The following ANKRD36 variants were observed in gnomAD, a reference collection of about 807,000 sequenced individuals.
The protein encoded by ANKRD36 is ankyrin repeat domain-containing protein 36A.
In ANKRD36, 179 loss-of-function variants were observed where a neutral mutation model predicts 278.1. The ratio of observed to expected loss-of-function variants is 0.64; its 90% CI spans 0.57 to 0.73. The LOEUF (loss-of-function observed/expected upper bound fraction) is 0.73. ANKRD36 is among the 30% of genes least tolerant of loss of function. The pLI is 0.00. For missense variants in ANKRD36, 1,159 were observed against 1,956.7 expected, an observed-to-expected ratio of 0.59 and a Z score of 7.69; for synonymous variants, 320 against 641.1, an observed-to-expected ratio of 0.50 and a Z score of 7.57.
In ANKRD36 at chr2:97,122,968, G is replaced by A. The variant is rs1428278654; in HGVS notation, c.568G>A (p.Val190Ile). The change falls in exon 4 of 76, where the codon GTA becomes ATA. Residue 190 changes from valine to isoleucine, a missense_variant. Physicochemically the swap from Val to Ile is conservative, Grantham distance 29 (BLOSUM62 3). Coordinates refer to ENST00000420699, the MANE Select transcript of ANKRD36 (RefSeq NM_001354587.1). ...VEFLLKKKAN[V>I]NAIDYLGRSA... ...ATTTTTATTAAAGAAAAAAGCAAAT[G>A]TAAATGCCATTGATTATCTTGGCAG... The A allele has an allele frequency of 2.6e-6, 4 of 1,543,310 alleles. No individual in the cohort carries two copies. Among genetic ancestry groups the A allele is most frequent in the Admixed American group, 4.0e-5 (2 of 50,210 alleles).
chr2:97,149,159 A>T, intron 11 of ANKRD36, 136 bp from the exon 12 acceptor site: 1 of 688,712 alleles, frequency 1.5e-6, no homozygotes, highest in Non-Finnish European at 2.5e-6. Context: ...ATATTATTTA[A>T]CATGCAGATA....
chr2:97,221,852 C>G (rs1475084570), intron 66 of ANKRD36, among the ~76,000 whole-genome samples: 7 of 147,304 alleles, frequency 4.8e-5, no homozygotes, highest in Non-Finnish European at 8.9e-5. Flanking sequence ...AAGTCCTTGC[C>G]CACGCCTATG....
At chr2:97,186,762 C>T (rs1213247801) in intron 30 of ANKRD36, among the ~76,000 whole-genome samples, 2 of 151,790 alleles carry the variant, frequency 1.3e-5, no homozygotes, top group African/African-American at 2.4e-5. Flanking sequence ...AGTTACTGGG[C>T]AAGTTAATGA....
chr2:97,210,846 T>C (rs2064289190), intron 56 of ANKRD36, among the ~76,000 whole-genome samples: 2 of 151,856 alleles, frequency 1.3e-5, no homozygotes, highest in African/African-American at 4.8e-5. Flanking sequence ...AGTTGATAAT[T>C]GATGATATTT....
chr2:97,199,397 C>T (rs2060673660), intron 44 of ANKRD36, among the ~76,000 whole-genome samples: 1 of 151,878 alleles, frequency 6.6e-6, no homozygotes, highest in Admixed American at 6.6e-5. Context: ...ATAAATTTTG[C>T]TTCCTTGTTC....
chr2:97,122,491 C>T (rs1339008349), intron 3 of ANKRD36, among the ~76,000 whole-genome samples: 1 of 144,442 alleles, frequency 6.9e-6, no homozygotes, highest in African/African-American at 2.5e-5. Context: ...AATAAAAATA[C>T]CTGAAACATT....
chr2:97,207,166 A>T (rs2063094254), intron 52 of ANKRD36, among the ~76,000 whole-genome samples: 1 of 151,496 alleles, frequency 6.6e-6, no homozygotes, highest in Non-Finnish European at 1.5e-5. Flanking sequence ...GACTGGATGA[A>T]GAAACTTTCG....
chr2:97,116,978 G>C (rs1037347107), intron 1 of ANKRD36, among the ~76,000 whole-genome samples: 1 of 151,234 alleles, frequency 6.6e-6, no homozygotes, highest in Non-Finnish European at 1.5e-5. Context: ...ATGTTTACCT[G>C]CCCAGCCTGA....
chr2:97,157,015 GTCT>G lies in ANKRD36; in HGVS notation c.1261-1087_1261-1085del, dbSNP rs2047630993. Among the ~76,000 whole-genome samples the G allele has an allele frequency of 2.0e-5, 3 of 151,758 alleles. 1 individual carries two copies. In the South Asian group the frequency reaches 6.3e-4, roughly 32 times the overall value. ...TCATGTGTTTTTTGGCTGCATAAAT[GTCT>G]TCTTTTGAGAAGTGTCTGTTCAAGG... On this transcript the variant is annotated intron_variant, in intron 15 of 75. Coordinates refer to ENST00000420699, the MANE Select transcript of ANKRD36 (RefSeq NM_001354587.1).
At chr2:97,125,923 A>G (rs1239942753) in intron 5 of ANKRD36, among the ~76,000 whole-genome samples, 1 of 151,156 alleles carries the variant, frequency 6.6e-6, no homozygotes, top group Non-Finnish European at 1.5e-5. Context: ...CACAAATACT[A>G]AAATTGGAAC....
At chr2:97,123,762 CATATATA>C (rs977628595) in intron 4 of ANKRD36, among the ~76,000 whole-genome samples, 23 of 130,012 alleles carry the variant, frequency 1.8e-4, no homozygotes, top group Non-Finnish European at 3.1e-4. Flanking sequence ...TAAGTAACAT[CATATATA>C]ATATATAATA....
At chr2:97,121,019 C>G (rs1271419817) in intron 3 of ANKRD36, among the ~76,000 whole-genome samples, 2 of 152,074 alleles carry the variant, frequency 1.3e-5, no homozygotes, top group African/African-American at 2.4e-5. Context: ...TACTTCACTT[C>G]CTCAGGTCAT....
chr2:97,231,924 G>A (rs1341689487), intron 67 of ANKRD36, among the ~76,000 whole-genome samples: 3 of 152,092 alleles, frequency 2.0e-5, no homozygotes, highest in Non-Finnish European at 4.4e-5. Context: ...CTTTTAAAGT[G>A]ACAGTGCCTT....
intron 24 of ANKRD36, among the ~76,000 whole-genome samples, chr2:97,180,273 A>G (rs1432351541): frequency 6.6e-6 from 1 of 151,654 alleles, no homozygotes; most frequent in Non-Finnish European, 1.5e-5. Context: ...AGTAATAGAT[A>G]TTATAGGCAT....
rs867725919 is a variant in ANKRD36 at position 97,141,100 on chromosome 2, G to T, written c.800-1540G>T. 1.1e-4 allele frequency among the ~76,000 whole-genome samples: 16 copies of T among 151,354 alleles called. 2 individuals carry two copies. Among genetic ancestry groups the T allele is most frequent in the Middle Eastern group, 6.8e-3 (2 of 294 alleles). On this transcript the variant is annotated intron_variant, in intron 6 of 75. Transcript: ENST00000420699. Reference sequence around the variant, plus strand: ...TAGGAAAGCTGTGTTGGCTGAGGTAGTTATTTCATAAAAGGACCTGAGAGA... The same window carrying T: ...TAGGAAAGCTGTGTTGGCTGAGGTATTTATTTCATAAAAGGACCTGAGAGA...
intron 44 of ANKRD36, among the ~76,000 whole-genome samples, chr2:97,199,025 A>G (rs1324799019): frequency 6.6e-6 from 1 of 151,916 alleles, no homozygotes; most frequent in African/African-American, 2.4e-5. Flanking sequence ...CTGCCAAGAA[A>G]AGACAGAAAG....
rs539141724 is a variant in ANKRD36, at chr2:97,137,370, C to G, written c.800-5270C>G. Reference sequence around the variant, plus strand: ...TCACCATGTTTGGCCAGGCTGGTCTCAAACTTTTGGCCTCATGTGATCCAC... The same window carrying G: ...TCACCATGTTTGGCCAGGCTGGTCTGAAACTTTTGGCCTCATGTGATCCAC... On this transcript the variant is annotated intron_variant, in intron 6 of 75. Coordinates refer to ENST00000420699, the MANE Select transcript of ANKRD36 (RefSeq NM_001354587.1). Among the ~76,000 whole-genome samples, 10 of 151,856 alleles carry G rather than the reference C, an allele frequency of 6.6e-5. No homozygotes were observed. The South Asian group carries it at 1.9e-3, about 29-fold the overall frequency.
intron 5 of ANKRD36, among the ~76,000 whole-genome samples, chr2:97,125,254 G>C (rs1332412254): frequency 1.3e-5 from 2 of 151,306 alleles, no homozygotes; most frequent in Non-Finnish European, 2.9e-5. Context: ...CCATAAAAAG[G>C]CTTCAAAGTT....
chr2:97,185,586 G>A (rs1484127071), intron 30 of ANKRD36, 76 bp downstream of exon 30: 14 of 1,516,034 alleles, frequency 9.2e-6, no homozygotes, highest in East Asian at 7.2e-5. Flanking sequence ...ATAAATCAGC[G>A]GGGGGCTCGT....
Sources: gnomAD v4.1 joint callset for allele counts (sites outside exome capture counted in the v4.1 genomes callset) on GRCh38, gnomAD v4.1.1 for gene constraint, MANE v1.5 for transcripts, NCBI Gene and HGNC (gene_info 2026-07-23, HGNC 2026-07-21) for gene names.